SLC6A6: variants seen among roughly 807,000 people sequenced by gnomAD.
The protein encoded by SLC6A6 is sodium- and chloride-dependent taurine transporter.
In SLC6A6, 16 loss-of-function variants were observed where a neutral mutation model predicts 68.8. The observed-to-expected ratio is 0.23, with a 90% CI of 0.16 to 0.35. The LOEUF is 0.35. SLC6A6 is among the 10% of genes least tolerant of loss of function. The pLI is 1.00. For synonymous variants in SLC6A6, 312 were observed against 315.4 expected, an observed-to-expected ratio of 0.99 and a Z score of 0.12; for missense variants, 474 against 802.8, an observed-to-expected ratio of 0.59 and a Z score of 4.95.
rs73817905 is a variant in SLC6A6 at position 14,466,815 on chromosome 3, G to A, written c.867+165G>A. Among the ~76,000 whole-genome samples, 740 of 152,310 alleles carry A rather than the reference G, an allele frequency of 4.9e-3. 9 individuals are homozygous for A. The highest frequency in any genetic ancestry group is 0.017 in the African/African-American group (686 of 41,566). ...GGTACTTTTCCACCGGGCCTGTGGCGGGTGTGCCTGTCCACGGTGCTGATG... is the reference window on the plus strand; with the variant it reads ...GGTACTTTTCCACCGGGCCTGTGGCAGGTGTGCCTGTCCACGGTGCTGATG... On this transcript the variant is annotated intron_variant, in intron 7 of 14. Coordinates refer to ENST00000622186, the MANE Select transcript of SLC6A6 (RefSeq NM_003043.6).
At chr3:14,442,440 T>C (rs1000356905) in intron 2 of SLC6A6, among the ~76,000 whole-genome samples, 1 of 152,208 alleles carries the variant, frequency 6.6e-6, no homozygotes, top group African/African-American at 2.4e-5. Flanking sequence ...CTCTGTTATG[T>C]TGTGGGTCAG....
intron 2 of SLC6A6, among the ~76,000 whole-genome samples, chr3:14,425,125 G>A (rs1051882607): frequency 6.6e-6 from 1 of 152,168 alleles, no homozygotes; most frequent in African/African-American, 2.4e-5. Context: ...TTTCTCCTGA[G>A]AGCAAATCCA....
At position 14,481,903 on chromosome 3, in the gene SLC6A6, C is replaced by G; in HGVS notation, c.1722+62C>G. 1 of 1,425,992 alleles carries G rather than the reference C, an allele frequency of 7.0e-7. No homozygotes were observed. The highest frequency in any genetic ancestry group is 1.2e-5 in the South Asian group (1 of 81,580). The allele number at this position is 1,425,992 out of a possible 1,614,324, so 88.3% of individuals were successfully genotyped here. A position where few individuals can be genotyped will look rare whatever the true frequency, so the allele number is the denominator to read the frequency against. ...GCGCGAGGCCAAAGGTGATTGTTGT[C>G]AGTTTGCTGCGTGATCTCAGGCAAG... On this transcript the variant is annotated intron_variant, in intron 14 of 14. Coordinates refer to ENST00000622186, the MANE Select transcript of SLC6A6 (RefSeq NM_003043.6). The surrounding 1 kb of genome is among the most constrained non-coding windows in gnomAD (Gnocchi z 4.7).
intron 2 of SLC6A6, among the ~76,000 whole-genome samples, chr3:14,432,343 G>A (rs965255211): frequency 3.3e-5 from 5 of 152,124 alleles, no homozygotes; most frequent in Admixed American, 2.0e-4. Flanking sequence ...CCCCATTTCC[G>A]GCAAAACCAG....
In SLC6A6 at chr3:14,477,189, C is replaced by T. The variant is rs1700898465; in HGVS notation, c.1210-16C>T. 1 of 1,607,030 alleles carries T rather than the reference C, an allele frequency of 6.2e-7. No homozygotes were observed. Among genetic ancestry groups the T allele is most frequent in the South Asian group, 1.1e-5 (1 of 90,768 alleles). ...AGCGTCAGCCGCTCACCAGCTCTCT[C>T]TCTTCCCCTCCTCAGTTTGTTGAAG... is the stretch of plus-strand genomic sequence containing the variant. On this transcript the variant is annotated splice_polypyrimidine_tract_variant and intron_variant, in intron 10 of 14. Coordinates refer to ENST00000622186, the MANE Select transcript of SLC6A6 (RefSeq NM_003043.6). The surrounding 1 kb of genome is among the most constrained non-coding windows in gnomAD (Gnocchi z 4.2).
chr3:14,461,312 A>G (rs775227375), intron 6 of SLC6A6, among the ~76,000 whole-genome samples: 1 of 152,202 alleles, frequency 6.6e-6, no homozygotes, highest in African/African-American at 2.4e-5. Flanking sequence ...GAGGCTCATT[A>G]CCTTGCCCAG....
intron 1 of SLC6A6, among the ~76,000 whole-genome samples, chr3:14,404,368 A>C (rs977424827): frequency 3.3e-5 from 5 of 152,034 alleles, no homozygotes; most frequent in African/African-American, 1.2e-4. Context: ...TTTCATCAAG[A>C]TGGTGTTGGA....
At chr3:14,484,331 A>G (rs1181814953) in intron 14 of SLC6A6, among the ~76,000 whole-genome samples, 2 of 152,184 alleles carry the variant, frequency 1.3e-5, no homozygotes, top group East Asian at 3.8e-4. Context: ...CCCTGCTGGG[A>G]GGACTGGATG....
chr3:14,464,383 G>T (rs896495591), intron 6 of SLC6A6, among the ~76,000 whole-genome samples: 9 of 152,164 alleles, frequency 5.9e-5, no homozygotes, highest in Admixed American at 1.3e-4. Context: ...CAGTTTTATT[G>T]TTGCAAAATG....
At chr3:14,438,054 A>C (rs1231742382) in intron 2 of SLC6A6, among the ~76,000 whole-genome samples, 2 of 140,804 alleles carry the variant, frequency 1.4e-5, no homozygotes, top group Admixed American at 1.5e-4. Context: ...CATGTTGGCC[A>C]GGCTGGTCTT....
chr3:14,443,938 G>C (rs376185365), intron 3 of SLC6A6, 75 bp downstream of exon 3: 12 of 1,052,216 alleles, frequency 1.1e-5, no homozygotes, highest in Middle Eastern at 2.0e-4. Flanking sequence ...GGACCAGAGC[G>C]TGGGTGGCCT....
intron 6 of SLC6A6, among the ~76,000 whole-genome samples, chr3:14,463,190 GATCC>G (rs1700534413): frequency 6.6e-6 from 1 of 152,172 alleles, no homozygotes; most frequent in African/African-American, 2.4e-5. Context: ...AGCTGGCCTG[GATCC>G]ATCCCGCATC....
chr3:14,466,700 C>G, intron 7 of SLC6A6, 50 bp downstream of exon 7: 1 of 1,556,578 alleles, frequency 6.4e-7, no homozygotes, highest in Non-Finnish European at 8.7e-7. Flanking sequence ...AGGGCTGGGC[C>G]GGCACAGGAC....
At chr3:14,457,059 G>C (rs372092384) in intron 5 of SLC6A6, among the ~76,000 whole-genome samples, 3 of 152,206 alleles carry the variant, frequency 2.0e-5, no homozygotes, top group Non-Finnish European at 4.4e-5. Flanking sequence ...CATCGCCCTG[G>C]CCTGCTTTCA....
chr3:14,454,256 C>T lies in SLC6A6; in HGVS notation c.600-3694C>T, dbSNP rs139193072. Among the ~76,000 whole-genome samples the T allele has an allele frequency of 1.5e-3, 218 of 149,438 alleles. 1 individual carries two copies. Among genetic ancestry groups the T allele is most frequent in the Admixed American group, 3.2e-3 (48 of 15,042 alleles). ...AGGCTGCTGGAAATCATCCTGGGGG[C>T]GTCAGGGGCCTGGACAGGGGCAGAG... On this transcript the variant is annotated intron_variant, in intron 5 of 14. Coordinates refer to ENST00000622186, the MANE Select transcript of SLC6A6 (RefSeq NM_003043.6).
chr3:14,451,871 G>T (rs569108306), intron 5 of SLC6A6, among the ~76,000 whole-genome samples: 1 of 152,292 alleles, frequency 6.6e-6, no homozygotes, highest in South Asian at 2.1e-4. Context: ...GGGCGGCAGA[G>T]CAGTGAGGAT....
At chr3:14,434,851 G>A (rs1437299709) in intron 2 of SLC6A6, among the ~76,000 whole-genome samples, 1 of 152,146 alleles carries the variant, frequency 6.6e-6, no homozygotes, top group Non-Finnish European at 1.5e-5. Flanking sequence ...TCTGCTGCCA[G>A]ACTGTGGTTC....
rs559453837 is a variant in SLC6A6 at position 14,415,510 on chromosome 3, C to T, written c.-53-902C>T. On this transcript the variant is annotated intron_variant, in intron 1 of 14. Transcript: ENST00000622186. Reference sequence around the variant, plus strand: ...CCTCTCCCCCTGAGACACCCACTGCCCATTTCTGCTGATCCCAGTTTAACA... The same window carrying T: ...CCTCTCCCCCTGAGACACCCACTGCTCATTTCTGCTGATCCCAGTTTAACA... Among the ~76,000 whole-genome samples, 22 of 152,304 alleles carry T rather than the reference C, an allele frequency of 1.4e-4. No individual in the cohort carries two copies. The East Asian group carries it at 3.3e-3, about 23-fold the overall frequency.
At chr3:14,444,900 A>G in intron 3 of SLC6A6, 1 of 407,544 alleles carries the variant, frequency 2.5e-6, no homozygotes, top group South Asian at 1.6e-5. Context: ...TTGCCCCCCC[A>G]TTCTTCCCCT....
Sources: allele counts gnomAD v4.1 joint callset (sites outside exome capture counted in the v4.1 genomes callset), GRCh38; gene constraint gnomAD v4.1.1; non-coding constraint Gnocchi (gnomAD v3.1); transcripts MANE v1.5; gene names NCBI Gene and HGNC (gene_info 2026-07-23, HGNC 2026-07-21).